Variants in CTNNA2 observed in about 807,000 individuals in gnomAD.
The protein encoded by CTNNA2 is catenin alpha 2.
CTNNA2 carries 42 observed loss-of-function variants against 101.0 expected under a neutral mutation model. The ratio of observed to expected loss-of-function variants is 0.42; its 90% CI spans 0.32 to 0.54. The LOEUF (loss-of-function observed/expected upper bound fraction) is 0.54. Ranked by LOEUF, CTNNA2 falls within the 20% of genes least tolerant of loss-of-function variation. The pLI is 0.14. For missense variants in CTNNA2, 871 were observed against 1,223.1 expected (o/e 0.71, Z 4.29); for synonymous variants, 450 against 456.4 (o/e 0.99, Z 0.18).
At chr2:79,579,907 C>A (rs1254678236) in intron 1 of CTNNA2, among the ~76,000 whole-genome samples, 2 of 152,190 alleles carry the variant, frequency 1.3e-5, no homozygotes, top group Non-Finnish European at 2.9e-5. Context: ...AGCCACCGCA[C>A]CTGGCCTCAA....
chr2:80,077,472 G>A (rs576854468), intron 7 of CTNNA2, among the ~76,000 whole-genome samples: 141 of 151,866 alleles, frequency 9.3e-4, no homozygotes, highest in Non-Finnish European at 1.6e-3. Context: ...CTAGCGGTTA[G>A]GCGTGGTGTC....
At chr2:80,604,779 G>T (rs548093345) in intron 16 of CTNNA2, among the ~76,000 whole-genome samples, 1 of 151,992 alleles carries the variant, frequency 6.6e-6, no homozygotes, top group South Asian at 2.1e-4. Flanking sequence ...GATGTGATGG[G>T]TCATGATTTG....
chr2:79,928,849 A>C (rs1056203587), intron 7 of CTNNA2, among the ~76,000 whole-genome samples: 2 of 152,258 alleles, frequency 1.3e-5, no homozygotes, highest in East Asian at 3.8e-4. Context: ...AATACATGAA[A>C]AAAAATGTTA....
intron 7 of CTNNA2, among the ~76,000 whole-genome samples, chr2:80,054,561 A>G (rs945451536): frequency 6.6e-6 from 1 of 152,128 alleles, no homozygotes; most frequent in African/African-American, 2.4e-5. Context: ...TAGGATGAAT[A>G]TGTGGTTTCT....
chr2:80,547,690 C>CTTTTTTTT (rs61186189), intron 11 of CTNNA2, among the ~76,000 whole-genome samples: 6,576 of 123,238 alleles, frequency 0.053, 838 homozygotes, highest in African/African-American at 0.13. Context: ...GTCACTTCTG[C>CTTTTTTTT]TTTTTTTTTT....
chr2:79,852,087 A>G (rs559061495), intron 3 of CTNNA2, among the ~76,000 whole-genome samples: 3 of 152,184 alleles, frequency 2.0e-5, no homozygotes, highest in South Asian at 4.1e-4. Flanking sequence ...AATATAAAAA[A>G]CATGAACTAT....
intron 7 of CTNNA2, among the ~76,000 whole-genome samples, chr2:80,139,748 C>A (rs1702896405): frequency 6.6e-6 from 1 of 152,152 alleles, no homozygotes; most frequent in African/African-American, 2.4e-5. Context: ...CAAGCACATT[C>A]AAAAATGTAA....
chr2:80,628,268 T>C (rs552082850), intron 18 of CTNNA2, among the ~76,000 whole-genome samples: 12 of 152,046 alleles, frequency 7.9e-5, no homozygotes, highest in African/African-American at 2.9e-4. Context: ...AAAAACACTT[T>C]AAATTTCATG....
chr2:79,551,341 A>G (rs575156213), intron 1 of CTNNA2, among the ~76,000 whole-genome samples: 1 of 152,306 alleles, frequency 6.6e-6, no homozygotes, highest in African/African-American at 2.4e-5. Context: ...AAAAGAGGCA[A>G]GAGGTTACAT....
rs191641349 is a variant in CTNNA2, at chr2:80,121,202, G to A, written c.1056+211405G>A. Among the ~76,000 whole-genome samples the A allele has an allele frequency of 5.9e-5, 9 of 152,276 alleles. No homozygotes were observed. In the East Asian group the frequency reaches 1.7e-3, roughly 29 times the overall value. On this transcript the variant is annotated intron_variant, in intron 7 of 18. Transcript: ENST00000402739. Reference sequence around the variant, plus strand: ...TGAATACCACAGAGTCAACAGATTAGATTATAATTTAGATTAGATTTTAGA... The same window carrying A: ...TGAATACCACAGAGTCAACAGATTAAATTATAATTTAGATTAGATTTTAGA...
At chr2:80,159,222 A>T (rs1299039226) in intron 7 of CTNNA2, among the ~76,000 whole-genome samples, 1 of 152,186 alleles carries the variant, frequency 6.6e-6, no homozygotes, top group Non-Finnish European at 1.5e-5. Context: ...TATTTTTTAG[A>T]GCAAAATTTC....
rs868117562 is a variant in CTNNA2 at position 79,753,739 on chromosome 2, T to G, written c.298+9157T>G. On this transcript the variant is annotated intron_variant, in intron 3 of 18. Transcript: ENST00000402739. ...AGAAGAAGCTTCTTCATGGGACCAT[T>G]TCCTAAATGAAAGTGATGGCCAAGC... Among the ~76,000 whole-genome samples, 60 of 152,322 alleles carry G rather than the reference T, an allele frequency of 3.9e-4. 1 individual carries two copies. Among genetic ancestry groups the G allele is most frequent in the Admixed American group, 1.2e-3 (18 of 15,298 alleles).
intron 17 of CTNNA2, among the ~76,000 whole-genome samples, chr2:80,617,044 CATTTTTATTTTA>C (rs1270004754): frequency 6.6e-6 from 1 of 151,582 alleles, no homozygotes; most frequent in East Asian, 1.9e-4. Context: ...TGTTTAACTC[CATTTTTATTTTA>C]ATATCTTAAT....
At chr2:79,189,547 T>C (rs1673824789) in intron 1 of CTNNA2, among the ~76,000 whole-genome samples, 1 of 152,168 alleles carries the variant, frequency 6.6e-6, no homozygotes, top group South Asian at 2.1e-4. Context: ...ATAATTCCGA[T>C]AATATTGCTG....
intron 7 of CTNNA2, among the ~76,000 whole-genome samples, chr2:80,323,848 T>C (rs1678968188): frequency 6.6e-6 from 1 of 152,168 alleles, no homozygotes; most frequent in Non-Finnish European, 1.5e-5. Flanking sequence ...TATTCCACCC[T>C]AACTCTTTAC....
intron 7 of CTNNA2, among the ~76,000 whole-genome samples, chr2:79,982,238 A>ATATATATATATATATATATG (rs1553420970): frequency 1.1e-5 from 1 of 89,630 alleles, no homozygotes; most frequent in African/African-American, 5.1e-5. Context: ...ATATATATAT[A>ATATATATATATATATATATG]TATGTATGTA....
intron 7 of CTNNA2, among the ~76,000 whole-genome samples, chr2:80,033,348 G>T (rs759124325): frequency 3.9e-5 from 6 of 152,002 alleles, no homozygotes; most frequent in Non-Finnish European, 8.8e-5. Flanking sequence ...TTTGAGGAAG[G>T]TGTCTCTCAA....
chr2:79,371,727 C>T (rs183647996), intron 3 of CTNNA2, among the ~76,000 whole-genome samples: 67 of 152,170 alleles, frequency 4.4e-4, no homozygotes, highest in African/African-American at 1.6e-3. Context: ...GCTAAAAGTT[C>T]TAGAATAATT....
At chr2:80,109,793 C>T (rs57527274) in intron 7 of CTNNA2, among the ~76,000 whole-genome samples, 8,352 of 152,150 alleles carry the variant, frequency 0.055, 771 homozygotes, top group African/African-American at 0.19. Flanking sequence ...CTGGCCAACT[C>T]CCAGGGCTCT....
Sources: gnomAD v4.1 joint callset for allele counts (sites outside exome capture counted in the v4.1 genomes callset) on GRCh38, gnomAD v4.1.1 for gene constraint, MANE v1.5 for transcripts, NCBI Gene and HGNC (gene_info 2026-07-23, HGNC 2026-07-21) for gene names.